Variants in CFAP299 observed in about 807,000 individuals in gnomAD.
The protein encoded by CFAP299 is cilia- and flagella-associated protein 299.
CFAP299 carries 21 observed loss-of-function variants against 27.0 expected under a neutral mutation model. The observed-to-expected ratio is 0.78, with a 90% CI of 0.55 to 1.12. CFAP299 has a LOEUF of 1.12. Among genes scored for constraint, CFAP299 ranks in the 50% most tolerant of loss-of-function variants. The pLI is 0.00. For missense variants in CFAP299, 310 were observed against 276.6 expected, an observed-to-expected ratio of 1.12 and a Z score of -0.86; for synonymous variants, 104 against 98.1, an observed-to-expected ratio of 1.06 and a Z score of -0.36.
At chr4:80,383,198 G>A (rs540052849) in intron 2 of CFAP299, among the ~76,000 whole-genome samples, 57 of 152,090 alleles carry the variant, frequency 3.7e-4, no homozygotes, top group Middle Eastern at 3.4e-3. Flanking sequence ...AGGGTGGGAG[G>A]GGGAAGAGGA....
chr4:80,448,344 T>C (rs1005388405), intron 2 of CFAP299, among the ~76,000 whole-genome samples: 9 of 152,228 alleles, frequency 5.9e-5, no homozygotes, highest in Non-Finnish European at 8.8e-5. Context: ...TCACAAACTA[T>C]AATCATCATC....
intron 4 of CFAP299, among the ~76,000 whole-genome samples, chr4:80,939,925 A>T (rs150997963): frequency 6.6e-6 from 1 of 152,106 alleles, no homozygotes. Context: ...TGTTAAGTCA[A>T]GCCAGGTGTT....
chr4:80,664,835 T>G (rs1032747589), intron 3 of CFAP299, among the ~76,000 whole-genome samples: 1 of 152,120 alleles, frequency 6.6e-6, no homozygotes, highest in African/African-American at 2.4e-5. Flanking sequence ...GGTTTTGTGC[T>G]TGAAACCCAG....
At chr4:80,373,142 G>T (rs907339736) in intron 2 of CFAP299, among the ~76,000 whole-genome samples, 1 of 152,016 alleles carries the variant, frequency 6.6e-6, no homozygotes, top group Non-Finnish European at 1.5e-5. Flanking sequence ...CCTAACCCTT[G>T]CATAGACACA....
the CFAP299 span, among the ~76,000 whole-genome samples, chr4:80,323,666 T>C: frequency 1.3e-5 from 2 of 152,212 alleles, no homozygotes; most frequent in African/African-American, 2.4e-5. Flanking sequence ...TAATGGTTAA[T>C]AAATTATATA....
chr4:80,746,788 A>T (rs1395351701), intron 3 of CFAP299, among the ~76,000 whole-genome samples: 1 of 152,062 alleles, frequency 6.6e-6, no homozygotes, highest in East Asian at 1.9e-4. Context: ...AGTAAGAGAT[A>T]TTATATAATC....
chr4:80,464,901 A>G (rs1729630664), intron 2 of CFAP299, among the ~76,000 whole-genome samples: 2 of 152,110 alleles, frequency 1.3e-5, no homozygotes, highest in African/African-American at 4.8e-5. Flanking sequence ...TTAATATTCT[A>G]CTCTGACAGG....
chr4:80,639,233 G>A (rs1016751959), intron 3 of CFAP299, among the ~76,000 whole-genome samples: 1 of 152,180 alleles, frequency 6.6e-6, no homozygotes, highest in African/African-American at 2.4e-5. Flanking sequence ...AAAGACGTAT[G>A]TAAAACAAAG....
intron 3 of CFAP299, among the ~76,000 whole-genome samples, chr4:80,700,861 T>A (rs1386381878): frequency 6.6e-6 from 1 of 151,960 alleles, no homozygotes; most frequent in Non-Finnish European, 1.5e-5. Flanking sequence ...AGGAGAGGCA[T>A]AAACAAAAAT....
chr4:80,516,309 C>A (rs1007226011), intron 2 of CFAP299, among the ~76,000 whole-genome samples: 1 of 152,138 alleles, frequency 6.6e-6, no homozygotes, highest in African/African-American at 2.4e-5. Context: ...GTGTGAGCCA[C>A]TGTGCCTGGC....
chr4:80,446,455 A>T (rs1728619879), intron 2 of CFAP299, among the ~76,000 whole-genome samples: 1 of 152,166 alleles, frequency 6.6e-6, no homozygotes, highest in Non-Finnish European at 1.5e-5. Context: ...TGTAAGCAAG[A>T]TCTGTTTGGC....
Position 80,591,147 on chromosome 4 carries a change from G to A in CFAP299, c.333+7964G>A, listed in dbSNP as rs1425119649. The stretch of plus-strand genomic sequence containing the variant: ...TTTTTTTTTTATTTTTTTTTGAGAC[G>A]GAGTCTCGCTCTGTCGCCCAGGCTG... On this transcript the variant is annotated intron_variant, in intron 3 of 5. Transcript: ENST00000358105. Among the ~76,000 whole-genome samples the A allele has an allele frequency of 4.5e-4, 53 of 117,474 alleles. No homozygotes were observed. In the South Asian group the frequency reaches 6.4e-3, roughly 14 times the overall value. The allele number at this position is 117,474 out of a possible 152,430, so 77.1% of individuals were successfully genotyped here.
At chr4:80,916,254 TATATATATATA>T (rs1735748489) in intron 4 of CFAP299, among the ~76,000 whole-genome samples, 1 of 37,772 alleles carries the variant, frequency 2.6e-5, no homozygotes, top group Non-Finnish European at 4.2e-5. Context: ...TAGACTGAAA[TATATATATATA>T]TATATATATA....
intron 5 of CFAP299, among the ~76,000 whole-genome samples, chr4:80,959,097 A>G (rs745491241): frequency 3.3e-5 from 5 of 152,152 alleles, no homozygotes; most frequent in Non-Finnish European, 7.4e-5. Flanking sequence ...ATGCAAAACA[A>G]TGATAATAAA....
intron 3 of CFAP299, among the ~76,000 whole-genome samples, chr4:80,755,676 T>C (rs913661963): frequency 6.6e-5 from 10 of 152,122 alleles, no homozygotes; most frequent in Admixed American, 3.9e-4. Flanking sequence ...TTCCCTTTTC[T>C]AAGTTGTAAT....
intron 2 of CFAP299, among the ~76,000 whole-genome samples, chr4:80,434,590 G>A (rs1040891022): frequency 1.3e-5 from 2 of 152,130 alleles, no homozygotes; most frequent in Non-Finnish European, 2.9e-5. Flanking sequence ...AGCCTGCATC[G>A]CCTGTAAGAG....
intron 2 of CFAP299, among the ~76,000 whole-genome samples, chr4:80,436,017 A>T (rs1250728232): frequency 6.6e-6 from 1 of 152,148 alleles, no homozygotes; most frequent in Non-Finnish European, 1.5e-5. Flanking sequence ...TGAGATTTGG[A>T]AGTTTCCTCT....
At chr4:80,958,583 T>C (rs1738181274) in intron 5 of CFAP299, among the ~76,000 whole-genome samples, 2 of 152,158 alleles carry the variant, frequency 1.3e-5, no homozygotes, top group South Asian at 2.1e-4. Context: ...GGAGAAAGGG[T>C]GTTCTTATTT....
rs1300351893 is a variant in CFAP299 at position 80,345,609 on chromosome 4, CT to C, written c.111+9736del. 3.3e-5 allele frequency among the ~76,000 whole-genome samples: 5 copies of C among 152,030 alleles called. No individual in the cohort carries two copies. The East Asian group carries it at 7.8e-4, about 24-fold the overall frequency. On this transcript the variant is annotated intron_variant, in intron 1 of 5. Coordinates refer to ENST00000358105, the MANE Select transcript of CFAP299 (RefSeq NM_152770.3). ...TCCCTACAAAGGACATGAATGCATC[CT>C]TTTTTATGGCTGCATAGTATTCCAT...
Sources: allele counts gnomAD v4.1 joint callset (sites outside exome capture counted in the v4.1 genomes callset), GRCh38; gene constraint gnomAD v4.1.1; transcripts MANE v1.5; gene names NCBI Gene and HGNC (gene_info 2026-07-23, HGNC 2026-07-21).